The following AHRR variants were observed in gnomAD, a reference collection of about 807,000 sequenced individuals.
The protein encoded by AHRR is ahR repressor.
AHRR carries 28 observed loss-of-function variants against 44.0 expected under a neutral mutation model. That is an observed-to-expected ratio of 0.64 (90% CI 0.47 to 0.87). The LOEUF (loss-of-function observed/expected upper bound fraction) is 0.87. AHRR is among the 40% of genes least tolerant of loss of function. AHRR has a pLI of 0.00. For missense variants in AHRR, 990 were observed against 953.9 expected, an observed-to-expected ratio of 1.04 and a Z score of -0.50; for synonymous variants, 434 against 407.0, an observed-to-expected ratio of 1.07 and a Z score of -0.80.
chr5:421,636 G>T (rs568323061), intron 5 of AHRR, among the ~76,000 whole-genome samples: 1 of 152,210 alleles, frequency 6.6e-6, no homozygotes, highest in Admixed American at 6.5e-5. Flanking sequence ...TTTTCACCTC[G>T]AGGGGTCTCT....
intron 4 of AHRR, among the ~76,000 whole-genome samples, chr5:394,235 T>C (rs529720030): frequency 6.6e-6 from 1 of 152,308 alleles, no homozygotes; most frequent in South Asian, 2.1e-4. Context: ...GAATGTTTTC[T>C]CTGCTCCAGG....
At chr5:401,884 A>G (rs960461704) in intron 4 of AHRR, among the ~76,000 whole-genome samples, 6 of 152,264 alleles carry the variant, frequency 3.9e-5, no homozygotes, top group Non-Finnish European at 7.3e-5. Context: ...AGCAAGAGGT[A>G]TCTACCTACA....
In AHRR at chr5:335,564, CCT is replaced by C. The variant is rs374527293; in HGVS notation, c.-10-8328_-10-8327del. On this transcript the variant is annotated intron_variant, in intron 1 of 10. Transcript: ENST00000684583. ...GGACCAGGCAAGCTTGCTCTAGCCC[CCT>C]GAGTGCATGCACCAACTGTGACAGG... Among the ~76,000 whole-genome samples, 28 of 152,328 alleles carry C rather than the reference CCT, an allele frequency of 1.8e-4. No homozygotes were observed. The East Asian group carries it at 5.0e-3, about 27-fold the overall frequency.
intron 2 of AHRR, among the ~76,000 whole-genome samples, chr5:344,662 A>G (rs1579602697): frequency 1.5e-3 from 1 of 674 alleles, no homozygotes. Flanking sequence ...GCGCGGGGGG[A>G]GCTGTGTGTG....
At chr5:397,694 ATCCACGTAGCCCCTGACCG>A (rs1734797064) in intron 4 of AHRR, among the ~76,000 whole-genome samples, 1 of 107,932 alleles carries the variant, frequency 9.3e-6, no homozygotes, top group Non-Finnish European at 2.0e-5. Flanking sequence ...GCCCCTGACC[ATCCACGTAGCCCCTGACCG>A]TCCACGTAGC....
At chr5:397,092 CCT>C (rs1251124217) in intron 4 of AHRR, among the ~76,000 whole-genome samples, 4 of 129,180 alleles carry the variant, frequency 3.1e-5, no homozygotes, top group African/African-American at 1.3e-4. Flanking sequence ...CCACGTAGCC[CCT>C]GACCATCCAC....
At chr5:335,674 C>A (rs1384126713) in intron 1 of AHRR, among the ~76,000 whole-genome samples, 2 of 152,260 alleles carry the variant, frequency 1.3e-5, no homozygotes, top group African/African-American at 4.8e-5. Context: ...CCAGTCCTAG[C>A]AGCCAGAGCC....
At chr5:345,219 GGATGA>G (rs1742591982) in intron 2 of AHRR, among the ~76,000 whole-genome samples, 5 of 66,312 alleles carry the variant, frequency 7.5e-5, no homozygotes, top group Admixed American at 1.7e-4. Flanking sequence ...TGTGTGTGTC[GGATGA>G]TGTCCCTGGC....
chr5:347,324 A>G (rs1460254160), intron 2 of AHRR, among the ~76,000 whole-genome samples: 1 of 152,212 alleles, frequency 6.6e-6, no homozygotes, highest in Non-Finnish European at 1.5e-5. Flanking sequence ...TTGATTTTAC[A>G]TATAGTGTTC....
At chr5:332,745 C>A (rs924071032) in intron 1 of AHRR, among the ~76,000 whole-genome samples, 1 of 152,110 alleles carries the variant, frequency 6.6e-6, no homozygotes, top group Admixed American at 6.6e-5. Context: ...GCTGATCTGT[C>A]TAATGCCATG....
chr5:421,246 A>C (rs922104753), intron 5 of AHRR: 2 of 694,860 alleles, frequency 2.9e-6, no homozygotes, highest in African/African-American at 3.6e-5. Flanking sequence ...CCCGCGGTTC[A>C]GCCACGGAGC....
chr5:396,846 G>A (rs1454769415), intron 4 of AHRR, among the ~76,000 whole-genome samples: 1 of 151,832 alleles, frequency 6.6e-6, no homozygotes, highest in Non-Finnish European at 1.5e-5. Flanking sequence ...GTTCCAGGAG[G>A]CTGGGGACCC....
chr5:344,014 G>A (rs1489070074), intron 2 of AHRR, 50 bp downstream of exon 2: 2 of 1,556,196 alleles, frequency 1.3e-6, no homozygotes, highest in East Asian at 2.6e-5. Context: ...CCATGGAAGG[G>A]GAGGGTTGGG....
chr5:397,215 C>A (rs1260720055), intron 4 of AHRR, among the ~76,000 whole-genome samples: 1 of 113,808 alleles, frequency 8.8e-6, no homozygotes, highest in African/African-American at 3.3e-5. Context: ...AGCCCCTGAC[C>A]ATCCACGTAG....
At chr5:375,407 G>A (rs1743745100) in intron 3 of AHRR, among the ~76,000 whole-genome samples, 1 of 152,194 alleles carries the variant, frequency 6.6e-6, no homozygotes, top group African/African-American at 2.4e-5. Flanking sequence ...GAGTGAGGGT[G>A]GTGGGGGGCT....
intron 1 of AHRR, among the ~76,000 whole-genome samples, chr5:322,364 C>T (rs1316442091): frequency 2.6e-5 from 4 of 152,146 alleles, no homozygotes; most frequent in Non-Finnish European, 2.9e-5. Flanking sequence ...GCCATGGGCG[C>T]GTGACAGGCA....
intron 2 of AHRR, among the ~76,000 whole-genome samples, chr5:345,626 A>G (rs1416961715): frequency 6.6e-6 from 1 of 151,400 alleles, no homozygotes; most frequent in Non-Finnish European, 1.5e-5. Flanking sequence ...GTGTCGGATG[A>G]TGTCCCCCGC....
chr5:422,680 C>T (rs1171614715), intron 5 of AHRR, 49 bp from the exon 6 acceptor site: 2 of 1,613,628 alleles, frequency 1.2e-6, no homozygotes, highest in Non-Finnish European at 1.7e-6. Context: ...AATAAAGTGT[C>T]TAAAGCCACT....
intron 3 of AHRR, among the ~76,000 whole-genome samples, chr5:372,945 A>G (rs1743628013): frequency 4.6e-5 from 7 of 152,208 alleles, no homozygotes. Flanking sequence ...CCCCATGGGA[A>G]GCCTGAGCCC....
Sources: gnomAD v4.1 joint callset for allele counts (sites outside exome capture counted in the v4.1 genomes callset) on GRCh38, gnomAD v4.1.1 for gene constraint, MANE v1.5 for transcripts, NCBI Gene and HGNC (gene_info 2026-07-23, HGNC 2026-07-21) for gene names.